Variants in GOLPH3 observed in about 807,000 individuals in gnomAD.
The protein encoded by GOLPH3 is coat protein GPP34.
A neutral mutation model predicts 28.5 loss-of-function variants in GOLPH3; 14 were observed. That is an observed-to-expected ratio of 0.49 (90% CI 0.32 to 0.77). The LOEUF is 0.77. Ranked by LOEUF, GOLPH3 falls within the 30% of genes least tolerant of loss-of-function variation. The pLI is 0.03. For missense variants in GOLPH3, 350 were observed against 393.7 expected (o/e 0.89, Z 0.94); for synonymous variants, 158 against 159.2 (o/e 0.99, Z 0.06).
intron 1 of GOLPH3, among the ~76,000 whole-genome samples, chr5:32,164,900 C>CTTTTT (rs760066281): frequency 1.0e-4 from 12 of 119,814 alleles, no homozygotes; most frequent in African/African-American, 3.3e-4. Flanking sequence ...ATTATGTATT[C>CTTTTT]TTTTTTTTTT....
At chr5:32,161,728 C>A (rs1322479157) in intron 1 of GOLPH3, among the ~76,000 whole-genome samples, 8 of 151,194 alleles carry the variant, frequency 5.3e-5, no homozygotes, top group Admixed American at 5.3e-4. Context: ...CTGGGCTTGA[C>A]CTAAAAATCA....
chr5:32,143,134 T>C (rs1473075572), intron 2 of GOLPH3, among the ~76,000 whole-genome samples: 1 of 152,252 alleles, frequency 6.6e-6, no homozygotes, highest in African/African-American at 2.4e-5. Context: ...TGGGATCCTG[T>C]TGATCGGTGA....
In GOLPH3 at chr5:32,162,006, G is replaced by A. The variant is rs1054229379; in HGVS notation, c.225+11804C>T. Among the ~76,000 whole-genome samples the A allele has an allele frequency of 1.0e-4, 15 of 148,832 alleles. 2 individuals are homozygous for A. The highest frequency in any genetic ancestry group is 2.8e-4 in the African/African-American group (11 of 38,668). ...CGCACAACTGCACTCCAGCCTGGGC[G>A]ACAGAGCGAGACTCCGTCTCAAAAA... is the stretch of plus-strand genomic sequence containing the variant. On this transcript the variant is annotated intron_variant, in intron 1 of 3. Coordinates refer to ENST00000265070, the MANE Select transcript of GOLPH3 (RefSeq NM_022130.4).
At chr5:32,136,657 C>T (rs953063729) in intron 2 of GOLPH3, among the ~76,000 whole-genome samples, 1 of 152,206 alleles carries the variant, frequency 6.6e-6, no homozygotes, top group Non-Finnish European at 1.5e-5. Flanking sequence ...ACAGGCTGAA[C>T]GTCCCTAATC....
rs199666733 is a variant in GOLPH3, at chr5:32,126,303, C to T, written c.806G>A (p.Arg269Gln). ...TTCAGGGTCTAAGTCGAGAAGCTGC[C>T]GCACTCTCTTGGTAGCCAAATCATA... Reference protein sequence around the residue: ...EQYDLATKRVRQLLDLDPEVE... With the variant: ...EQYDLATKRVQQLLDLDPEVE... The change falls in exon 4 of 4, where the codon CGG becomes CAG. Residue 269 changes from arginine (R) to glutamine (Q), a missense_variant. Coordinates refer to ENST00000265070, the MANE Select transcript of GOLPH3 (RefSeq NM_022130.4). 48 of 1,614,142 alleles carry T rather than the reference C, an allele frequency of 3.0e-5. No homozygotes were observed. The East Asian group carries it at 8.0e-4, about 27-fold the overall frequency.
intron 1 of GOLPH3, among the ~76,000 whole-genome samples, chr5:32,173,038 T>A (rs1746878333): frequency 6.6e-6 from 1 of 152,166 alleles, no homozygotes; most frequent in Non-Finnish European, 1.5e-5. Context: ...CAAAGAATTA[T>A]CTATTGCAAC....
At chr5:32,149,590 A>G (rs553104755) in intron 1 of GOLPH3, among the ~76,000 whole-genome samples, 8 of 143,474 alleles carry the variant, frequency 5.6e-5, no homozygotes, top group Non-Finnish European at 1.1e-4. Context: ...AAAAATTAAG[A>G]ATCAAAAAGT....
intron 3 of GOLPH3, among the ~76,000 whole-genome samples, chr5:32,134,142 G>A (rs1160791916): frequency 6.6e-6 from 1 of 152,154 alleles, no homozygotes; most frequent in African/African-American, 2.4e-5. Context: ...AAGCCTTGAT[G>A]AAGCACCACT....
intron 1 of GOLPH3, among the ~76,000 whole-genome samples, chr5:32,158,132 TACACACACACACACACAC>T (rs70961610): frequency 1.5e-3 from 51 of 33,688 alleles, no homozygotes; most frequent in African/African-American, 5.2e-3. Context: ...ATAAATAAAA[TACACACACACACACACAC>T]ACACACACAC....
chr5:32,142,738 G>A (rs976423328), intron 2 of GOLPH3, among the ~76,000 whole-genome samples: 3 of 147,726 alleles, frequency 2.0e-5, no homozygotes, highest in Admixed American at 6.6e-5. Flanking sequence ...GCCCCGTCCG[G>A]GAGGTGAGGG....
chr5:32,147,669 C>G (rs1746208299), intron 1 of GOLPH3, among the ~76,000 whole-genome samples: 1 of 152,032 alleles, frequency 6.6e-6, no homozygotes. Flanking sequence ...GTAAGGTTTT[C>G]CTTACTGATC....
chr5:32,167,762 A>G (rs1746748451), intron 1 of GOLPH3, among the ~76,000 whole-genome samples: 1 of 150,598 alleles, frequency 6.6e-6, no homozygotes, highest in Non-Finnish European at 1.5e-5. Context: ...ACTAGGCAAC[A>G]TAGTGAGACC....
intron 1 of GOLPH3, among the ~76,000 whole-genome samples, chr5:32,155,615 A>G (rs1746402326): frequency 6.6e-6 from 1 of 152,156 alleles, no homozygotes. Context: ...TTTAATTAGC[A>G]AAAGAGTAAG....
At chr5:32,156,885 AT>A (rs755423453) in intron 1 of GOLPH3, among the ~76,000 whole-genome samples, 6 of 152,156 alleles carry the variant, frequency 3.9e-5, no homozygotes, top group Non-Finnish European at 8.8e-5. Context: ...TAGCCCGGAG[AT>A]TAGAGATCCT....
In GOLPH3 at chr5:32,126,203, C is replaced by G. The variant is rs371604633; in HGVS notation, c.*9G>C. Reference sequence around the variant, plus strand: ...TGAGAGAAAGGAGAATGGTTCACCCCGAGCAGAGTTACTTGGTGAACGCCG... The same window carrying G: ...TGAGAGAAAGGAGAATGGTTCACCCGGAGCAGAGTTACTTGGTGAACGCCG... On this transcript the variant is annotated 3_prime_UTR_variant, in exon 4 of 4. Coordinates refer to ENST00000265070, the MANE Select transcript of GOLPH3 (RefSeq NM_022130.4). 1.2e-6 allele frequency: 2 copies of G among 1,603,678 alleles called. No homozygotes were observed. Among genetic ancestry groups the G allele is most frequent in the South Asian group, 1.1e-5 (1 of 90,504 alleles).
chr5:32,147,903 T>A (rs1746213101), intron 1 of GOLPH3, among the ~76,000 whole-genome samples: 1 of 152,184 alleles, frequency 6.6e-6, no homozygotes, highest in African/African-American at 2.4e-5. Flanking sequence ...TACTATATAG[T>A]TAAATTTCTG....
intron 1 of GOLPH3, among the ~76,000 whole-genome samples, chr5:32,157,317 C>T (rs1260393783): frequency 2.0e-5 from 3 of 152,192 alleles, no homozygotes; most frequent in African/African-American, 7.2e-5. Context: ...CGTTCTTTCC[C>T]TCATCCCCAC....
chr5:32,164,510 C>CA (rs905571972), intron 1 of GOLPH3, among the ~76,000 whole-genome samples: 5 of 151,992 alleles, frequency 3.3e-5, no homozygotes, highest in African/African-American at 1.2e-4. Flanking sequence ...TCTCCTGCCT[C>CA]AGCCTCCCGA....
Position 32,124,736 on chromosome 5 carries a change from T to C in GOLPH3, c.*1476A>G, listed in dbSNP as rs1745636670. The stretch of plus-strand genomic sequence containing the variant: ...TCTGATTCAGGCACTTTCAAGATCA[T>C]TGTTTATTTATTACTTCAGATAAAA... On this transcript the variant is annotated 3_prime_UTR_variant, in exon 4 of 4. Transcript: ENST00000265070. The C allele has an allele frequency of 2.6e-5, 4 of 152,314 alleles. No homozygotes were observed. The highest frequency in any genetic ancestry group is 2.6e-4 in the Admixed American group (4 of 15,280). The allele number at this position is 152,314 out of a possible 1,614,324, so 9.4% of individuals were successfully genotyped here.
Sources: allele counts gnomAD v4.1 joint callset (sites outside exome capture counted in the v4.1 genomes callset), GRCh38; gene constraint gnomAD v4.1.1; transcripts MANE v1.5; gene names NCBI Gene and HGNC (gene_info 2026-07-23, HGNC 2026-07-21).